Variants in XKR4 observed in about 807,000 individuals in gnomAD.
The protein encoded by XKR4 is XK-related protein 4.
A neutral mutation model predicts 53.9 loss-of-function variants in XKR4; 12 were observed. That is an observed-to-expected ratio of 0.22 (90% confidence interval 0.14 to 0.36). The LOEUF is 0.36. Among genes scored for constraint, XKR4 ranks in the 10% least tolerant of loss-of-function variants. XKR4 has a pLI of 1.00. For missense variants in XKR4, 799 were observed against 859.5 expected (o/e 0.93, Z 0.88); for synonymous variants, 354 against 362.4 (o/e 0.98, Z 0.26).
intron 1 of XKR4, among the ~76,000 whole-genome samples, chr8:55,149,289 T>C (rs1182519599): frequency 6.6e-6 from 1 of 152,192 alleles, no homozygotes; most frequent in African/African-American, 2.4e-5. Flanking sequence ...CAACTAGTTC[T>C]CTCTTTCAGT....
chr8:55,203,293 T>C (rs1817600725), intron 1 of XKR4, among the ~76,000 whole-genome samples: 2 of 152,208 alleles, frequency 1.3e-5, no homozygotes, highest in African/African-American at 4.8e-5. Context: ...CAACTGCATC[T>C]TCACACACCT....
chr8:55,165,687 C>A (rs1353774570), intron 1 of XKR4, among the ~76,000 whole-genome samples: 2 of 151,430 alleles, frequency 1.3e-5, no homozygotes, highest in Admixed American at 1.3e-4. Context: ...TGCCTGTAGT[C>A]CCAGCTATGT....
intron 1 of XKR4, among the ~76,000 whole-genome samples, chr8:55,263,898 C>G (rs977819906): frequency 2.6e-5 from 4 of 152,172 alleles, no homozygotes; most frequent in Non-Finnish European, 5.9e-5. Context: ...GGCCACTTCT[C>G]ATTCTCTTGA....
intron 1 of XKR4, among the ~76,000 whole-genome samples, chr8:55,242,269 C>T (rs529991090): frequency 1.2e-4 from 19 of 152,298 alleles, no homozygotes; most frequent in African/African-American, 4.6e-4. Context: ...TCAGCACCAG[C>T]ATCTCCTTGG....
At chr8:55,137,370 T>TTA (rs1816645461) in intron 1 of XKR4, among the ~76,000 whole-genome samples, 1 of 152,198 alleles carries the variant, frequency 6.6e-6, no homozygotes. Flanking sequence ...CAGTCAATTA[T>TTA]TATATATTGA....
chr8:55,453,374 C>T (rs183018732), intron 2 of XKR4: 235 of 449,394 alleles, frequency 5.2e-4, no homozygotes, highest in African/African-American at 4.1e-3. Flanking sequence ...GTACAGTTCC[C>T]GGGTGAGGCA....
chr8:55,362,213 A>T (rs931713652), intron 2 of XKR4, among the ~76,000 whole-genome samples: 3 of 151,814 alleles, frequency 2.0e-5, no homozygotes, highest in Non-Finnish European at 4.4e-5. Flanking sequence ...AGTAGGTCTC[A>T]GGTGGGGCCT....
intron 1 of XKR4, among the ~76,000 whole-genome samples, chr8:55,224,443 G>C (rs1333840081): frequency 6.6e-6 from 1 of 152,146 alleles, no homozygotes; most frequent in Non-Finnish European, 1.5e-5. Flanking sequence ...GTAGTCTACA[G>C]AACAGACTCA....
rs184042159 is a variant in XKR4 at position 55,375,038 on chromosome 8, C to T, written c.1006+17161C>T. Among the ~76,000 whole-genome samples the T allele has an allele frequency of 1.8e-4, 28 of 152,302 alleles. No individual in the cohort carries two copies. The East Asian group carries it at 5.4e-3, about 29-fold the overall frequency. On this transcript the variant is annotated intron_variant, in intron 2 of 2. Transcript: ENST00000327381. ...CCCCAGCAACCAGCAATGGGTGGAG[C>T]TGCAACCAGGGCCTGTGCTCCAAGT...
At chr8:55,344,897 G>T (rs1299493508) in intron 1 of XKR4, among the ~76,000 whole-genome samples, 1 of 152,178 alleles carries the variant, frequency 6.6e-6, no homozygotes, top group Non-Finnish European at 1.5e-5. Flanking sequence ...ATCTTCATGA[G>T]AGATATGTAT....
chr8:55,496,468 C>T (rs986790543), intron 2 of XKR4, among the ~76,000 whole-genome samples: 6 of 152,170 alleles, frequency 3.9e-5, no homozygotes, highest in African/African-American at 1.2e-4. Context: ...GATCTTAAGA[C>T]AGCCAACCTC....
intron 2 of XKR4, among the ~76,000 whole-genome samples, chr8:55,447,415 G>A (rs1399836123): frequency 6.6e-6 from 1 of 152,160 alleles, no homozygotes; most frequent in African/African-American, 2.4e-5. Context: ...AGAAAGGGAA[G>A]ATAACACACA....
chr8:55,286,560 C>A (rs985201586), intron 1 of XKR4, among the ~76,000 whole-genome samples: 1 of 152,094 alleles, frequency 6.6e-6, no homozygotes, highest in Non-Finnish European at 1.5e-5. Flanking sequence ...CAGCAGTGAG[C>A]GTCCCTGGAG....
At chr8:55,167,918 C>T (rs888554378) in intron 1 of XKR4, among the ~76,000 whole-genome samples, 5 of 152,110 alleles carry the variant, frequency 3.3e-5, no homozygotes, top group African/African-American at 7.2e-5. Flanking sequence ...ATCCAGAAAA[C>T]CACTTAAAGC....
At chr8:55,482,091 G>A (rs540358178) in intron 2 of XKR4, among the ~76,000 whole-genome samples, 1 of 152,246 alleles carries the variant, frequency 6.6e-6, no homozygotes, top group African/African-American at 2.4e-5. Context: ...AAAGACACAT[G>A]CACACGTATG....
At chr8:55,130,039 A>G (rs1336326280) in intron 1 of XKR4, among the ~76,000 whole-genome samples, 1 of 152,140 alleles carries the variant, frequency 6.6e-6, no homozygotes, top group East Asian at 1.9e-4. Context: ...TACAAGTTTG[A>G]AGGAATGATG....
chr8:55,404,411 C>A (rs1585557996), intron 2 of XKR4, among the ~76,000 whole-genome samples: 2 of 152,292 alleles, frequency 1.3e-5, no homozygotes, highest in East Asian at 3.9e-4. Context: ...TATTTAGGAA[C>A]CATGATCAGC....
intron 1 of XKR4, among the ~76,000 whole-genome samples, chr8:55,266,555 GA>G (rs927683439): frequency 6.6e-6 from 1 of 152,126 alleles, no homozygotes; most frequent in African/African-American, 2.4e-5. Flanking sequence ...TATACTCGTG[GA>G]AAAGTTGAAG....
chr8:55,282,105 T>G (rs571035708), intron 1 of XKR4, among the ~76,000 whole-genome samples: 1 of 152,328 alleles, frequency 6.6e-6, no homozygotes, highest in East Asian at 1.9e-4. Context: ...GGGAAAGAAC[T>G]CTAGCCATAG....
Sources: allele counts gnomAD v4.1 joint callset (sites outside exome capture counted in the v4.1 genomes callset), GRCh38; gene constraint gnomAD v4.1.1; transcripts MANE v1.5; gene names NCBI Gene and HGNC (gene_info 2026-07-23, HGNC 2026-07-21).